The following FHIT variants were observed in gnomAD, a reference collection of about 807,000 sequenced individuals.
FHIT encodes fragile histidine triad diadenosine triphosphatase.
Under a neutral mutation model 17.9 loss-of-function variants are expected in FHIT, and 19 were observed. The observed-to-expected ratio is 1.06, with a 90% CI of 0.74 to 1.56. The LOEUF is 1.56. Among genes scored for constraint, FHIT ranks in the 40% most tolerant of loss-of-function variants. FHIT has a pLI of 0.00. For synonymous variants in FHIT, 81 were observed against 69.7 expected, an observed-to-expected ratio of 1.16 and a Z score of -0.81; for missense variants, 248 against 189.2, an observed-to-expected ratio of 1.31 and a Z score of -1.82.
chr3:60,549,889 T>C (rs1213742870), intron 4 of FHIT, among the ~76,000 whole-genome samples: 1 of 152,134 alleles, frequency 6.6e-6, no homozygotes, highest in Non-Finnish European at 1.5e-5. Context: ...CTGTAAAAAA[T>C]AATCTGCTAT....
chr3:60,279,663 C>T (rs929300618), intron 5 of FHIT, among the ~76,000 whole-genome samples: 10 of 152,006 alleles, frequency 6.6e-5, no homozygotes, highest in African/African-American at 9.7e-5. Context: ...ATATAAAAAG[C>T]GTCAACAAAA....
At chr3:60,189,814 T>A (rs192827002) in intron 5 of FHIT, among the ~76,000 whole-genome samples, 96 of 152,364 alleles carry the variant, frequency 6.3e-4, no homozygotes, top group Non-Finnish European at 9.4e-4. Context: ...GAAAGTTAAA[T>A]TCTAAAACAT....
At chr3:60,361,165 A>C (rs1436513104) in intron 5 of FHIT, among the ~76,000 whole-genome samples, 1 of 152,208 alleles carries the variant, frequency 6.6e-6, no homozygotes, top group Non-Finnish European at 1.5e-5. Context: ...TTGGAGGTGC[A>C]AAAATGAGCA....
intron 4 of FHIT, among the ~76,000 whole-genome samples, chr3:60,644,970 T>C (rs2039819434): frequency 6.6e-6 from 1 of 152,138 alleles, no homozygotes; most frequent in Non-Finnish European, 1.5e-5. Flanking sequence ...TAGTTAGGGC[T>C]GACACTTTCT....
At chr3:60,683,631 C>T (rs782011314) in intron 4 of FHIT, among the ~76,000 whole-genome samples, 1 of 152,018 alleles carries the variant, frequency 6.6e-6, no homozygotes, top group Non-Finnish European at 1.5e-5. Flanking sequence ...TGTTTTATTG[C>T]AATATTCACT....
chr3:60,697,245 A>G (rs1260656907), intron 4 of FHIT, among the ~76,000 whole-genome samples: 2 of 152,204 alleles, frequency 1.3e-5, no homozygotes, highest in African/African-American at 4.8e-5. Context: ...TGGATATGTC[A>G]AAGGACAGGA....
At chr3:60,757,738 T>C (rs1699495063) in intron 4 of FHIT, among the ~76,000 whole-genome samples, 1 of 152,180 alleles carries the variant, frequency 6.6e-6, no homozygotes, top group East Asian at 1.9e-4. Context: ...TTGGAATTAA[T>C]TGTAAGCACA....
At chr3:60,515,814 T>C (rs1041162155) in intron 5 of FHIT, among the ~76,000 whole-genome samples, 1 of 152,172 alleles carries the variant, frequency 6.6e-6, no homozygotes, top group African/African-American at 2.4e-5. Flanking sequence ...ATTTGAAGCA[T>C]AAGGTAACTG....
intron 5 of FHIT, among the ~76,000 whole-genome samples, chr3:60,060,661 A>G (rs138063843): frequency 3.9e-5 from 6 of 152,334 alleles, no homozygotes; most frequent in African/African-American, 1.4e-4. Flanking sequence ...ATTTGCAATT[A>G]TAAGAACTCA....
intron 3 of FHIT, among the ~76,000 whole-genome samples, chr3:60,965,632 T>C (rs1033827766): frequency 6.6e-6 from 1 of 152,202 alleles, no homozygotes; most frequent in East Asian, 1.9e-4. Context: ...GGATGTCCTT[T>C]CTGTTTGTTA....
intron 5 of FHIT, among the ~76,000 whole-genome samples, chr3:60,484,364 C>T (rs1559483164): frequency 6.6e-6 from 1 of 152,180 alleles, no homozygotes; most frequent in Admixed American, 6.5e-5. Flanking sequence ...ATAGCCAAGA[C>T]AATCCTAAGC....
chr3:60,037,332 T>C (rs537024621), intron 5 of FHIT, among the ~76,000 whole-genome samples: 110 of 152,082 alleles, frequency 7.2e-4, no homozygotes, highest in African/African-American at 2.6e-3. Flanking sequence ...CTCACCAGAG[T>C]TGATAAACAA....
chr3:61,187,105 A>G (rs1216299402), intron 2 of FHIT, among the ~76,000 whole-genome samples: 3 of 152,232 alleles, frequency 2.0e-5, no homozygotes, highest in African/African-American at 4.8e-5. Context: ...CAGAAGATCA[A>G]TAGTATTGAA....
intron 7 of FHIT, among the ~76,000 whole-genome samples, chr3:59,988,554 C>T (rs534724110): frequency 1.3e-5 from 2 of 152,166 alleles, no homozygotes; most frequent in African/African-American, 4.8e-5. Flanking sequence ...CAGGTATTTT[C>T]TGAGTTCTTT....
intron 4 of FHIT, among the ~76,000 whole-genome samples, chr3:60,703,229 AC>A (rs1331351054): frequency 6.6e-6 from 1 of 152,206 alleles, no homozygotes; most frequent in East Asian, 1.9e-4. Context: ...GTTGGCAGCT[AC>A]TAAAAGGTAG....
At chr3:60,869,251 G>A (rs1441159038) in intron 3 of FHIT, among the ~76,000 whole-genome samples, 1 of 152,124 alleles carries the variant, frequency 6.6e-6, no homozygotes, top group Non-Finnish European at 1.5e-5. Flanking sequence ...TTGAAGTACA[G>A]AATGTATTAG....
chr3:60,159,690 C>T (rs1262305037), intron 5 of FHIT, among the ~76,000 whole-genome samples: 1 of 152,146 alleles, frequency 6.6e-6, no homozygotes, highest in Non-Finnish European at 1.5e-5. Flanking sequence ...TTTTATCCAT[C>T]CAAAAAATCT....
At chr3:59,859,770 T>C (rs929097203) in intron 8 of FHIT, among the ~76,000 whole-genome samples, 16 of 152,038 alleles carry the variant, frequency 1.1e-4, no homozygotes, top group African/African-American at 3.9e-4. Flanking sequence ...AGGAAACTGA[T>C]GAAAAATAAT....
intron 4 of FHIT, among the ~76,000 whole-genome samples, chr3:60,651,437 G>A (rs537645757): frequency 3.3e-5 from 5 of 151,820 alleles, no homozygotes; most frequent in Admixed American, 2.6e-4. Context: ...TGAAAAATTT[G>A]GTATACCCAT....
Sources: allele counts gnomAD v4.1 joint callset (sites outside exome capture counted in the v4.1 genomes callset), GRCh38; gene constraint gnomAD v4.1.1; transcripts MANE v1.5; gene names NCBI Gene and HGNC (gene_info 2026-07-23, HGNC 2026-07-21).